Variants in ANO3 observed in about 807,000 individuals in gnomAD.
ANO3 encodes anoctamin-3.
In ANO3, 99 loss-of-function variants were observed where a neutral mutation model predicts 144.8. The ratio of observed to expected loss-of-function variants is 0.68; its 90% CI spans 0.58 to 0.81. The LOEUF (loss-of-function observed/expected upper bound fraction) is 0.81. Among genes scored for constraint, ANO3 ranks in the 30% least tolerant of loss-of-function variants. The pLI is 0.00. For missense variants in ANO3, 905 were observed against 1,202.2 expected, an observed-to-expected ratio of 0.75 and a Z score of 3.66; for synonymous variants, 414 against 392.6, an observed-to-expected ratio of 1.05 and a Z score of -0.64.
At chr11:26,236,654 T>TA (rs1344378019) in intron 1 of ANO3, among the ~76,000 whole-genome samples, 8 of 151,716 alleles carry the variant, frequency 5.3e-5, no homozygotes, top group Non-Finnish European at 1.2e-4. Context: ...CTGTCTCTAC[T>TA]AAAAATACAA....
At chr11:26,385,479 A>T (rs1856698887) in intron 1 of ANO3, among the ~76,000 whole-genome samples, 1 of 152,128 alleles carries the variant, frequency 6.6e-6, no homozygotes, top group Non-Finnish European at 1.5e-5. Flanking sequence ...GGGGAAAAAA[A>T]TCTTTTTTCT....
rs58419788 is a variant in ANO3, at chr11:26,283,321, A to AATAT, written c.155-26282_155-26279dup. ...TCTTACCAAAATAAACAAATAAATA[A>AATAT]ATATATATATATATATATATATATA... On this transcript the variant is annotated intron_variant, in intron 1 of 27. Coordinates refer to the ANO3 transcript ENST00000672621. 3.9e-3 allele frequency among the ~76,000 whole-genome samples: 190 copies of AATAT among 48,962 alleles called. 2 individuals are homozygous for AATAT. Among genetic ancestry groups the AATAT allele is most frequent in the African/African-American group, 6.0e-3 (93 of 15,432 alleles). The allele number at this position is 48,962 out of a possible 152,430, so 32.1% of individuals were successfully genotyped here.
chr11:26,477,240 A>C (rs1346613916), intron 4 of ANO3, among the ~76,000 whole-genome samples: 1 of 152,150 alleles, frequency 6.6e-6, no homozygotes. Context: ...TAGGAGCTTC[A>C]GAAGAATGGT....
intron 4 of ANO3, among the ~76,000 whole-genome samples, chr11:26,473,548 T>A (rs1369243353): frequency 6.6e-6 from 1 of 151,606 alleles, no homozygotes; most frequent in Non-Finnish European, 1.5e-5. Flanking sequence ...GAAAAAAAAA[T>A]TACAGGAATT....
At position 26,212,306 on chromosome 11, in the gene ANO3, G is replaced by A. The variant is rs184897149; in HGVS notation, c.154+22976G>A. On this transcript the variant is annotated intron_variant, in intron 1 of 27. Transcript: ENST00000672621. ...TAAGATCAGAGTAGAACTGAAGGAG[G>A]TGGAGACATGAAAAACCCTTCAAAA... 3.6e-3 allele frequency among the ~76,000 whole-genome samples: 552 copies of A among 151,508 alleles called. 2 individuals are homozygous for A. The highest frequency in any genetic ancestry group is 5.6e-3 in the Non-Finnish European group (377 of 67,808).
chr11:26,564,269 A>C (rs405550), intron 14 of ANO3, among the ~76,000 whole-genome samples: 112,463 of 151,216 alleles, frequency 0.74, 42,067 homozygotes, highest in Admixed American at 0.8. Flanking sequence ...ATATATTGAT[A>C]GTGGTATTAT....
chr11:26,560,799 C>A (rs1320679476), intron 14 of ANO3: 7 of 318,000 alleles, frequency 2.2e-5, no homozygotes, highest in South Asian at 5.3e-5. Context: ...TTATCTGATT[C>A]CACAAATATT....
chr11:26,595,463 T>TG (rs1426339703), intron 14 of ANO3, among the ~76,000 whole-genome samples: 1 of 141,034 alleles, frequency 7.1e-6, no homozygotes, highest in Non-Finnish European at 1.5e-5. Flanking sequence ...TAGAGTTGTT[T>TG]TTTTTTTTTT....
chr11:26,322,184 T>G (rs898987682), intron 1 of ANO3, among the ~76,000 whole-genome samples: 1 of 152,066 alleles, frequency 6.6e-6, no homozygotes, highest in Non-Finnish European at 1.5e-5. Context: ...TACTTGTACT[T>G]GAATATAATT....
In ANO3 at chr11:26,661,290, TTTAA is replaced by T. The variant is rs1298490458; in HGVS notation, c.*849_*852del. 1.3e-5 allele frequency: 2 copies of T among 152,578 alleles called. No individual in the cohort carries two copies. The highest frequency in any genetic ancestry group is 2.9e-5 in the Non-Finnish European group (2 of 68,022). The allele number at this position is 152,578 out of a possible 1,614,324, so 9.5% of individuals were successfully genotyped here. A position where few individuals can be genotyped will look rare whatever the true frequency, so the allele number is the denominator to read the frequency against. Reference sequence around the variant, plus strand: ...TTGTGGAAGGCTGTTTTATAGTTTATTTAATTTTTTCTCTATGATTTATTACAAC... The same window carrying T: ...TTGTGGAAGGCTGTTTTATAGTTTATTTTTTTCTCTATGATTTATTACAAC... On this transcript the variant is annotated 3_prime_UTR_variant, in exon 27 of 27. Transcript: ENST00000256737.
chr11:26,544,273 T>TATATATATATATATATAC lies in ANO3; in HGVS notation c.1154+2206_1154+2207insTATATATATATATATACA. The stretch of plus-strand genomic sequence containing the variant: ...ATACATATATATATATATATATATA[T>TATATATATATATATATAC]ACACACATACACACACACACACACA... On this transcript the variant is annotated intron_variant, in intron 11 of 26. Coordinates refer to ENST00000256737, the MANE Select transcript of ANO3 (RefSeq NM_031418.4). 6.5e-3 allele frequency among the ~76,000 whole-genome samples: 381 copies of TATATATATATATATATAC among 58,210 alleles called. 14 individuals carry two copies. Among genetic ancestry groups the TATATATATATATATATAC allele is most frequent in the Middle Eastern group, 0.011 (1 of 94 alleles). The allele number at this position is 58,210 out of a possible 152,430, so 38.2% of individuals were successfully genotyped here.
intron 7 of ANO3, among the ~76,000 whole-genome samples, chr11:26,530,478 T>TATCC: frequency 1.2e-5 from 1 of 86,286 alleles, no homozygotes; most frequent in East Asian, 5.9e-4. Flanking sequence ...TCTATCTATC[T>TATCC]ATCTATCTAT....
At chr11:26,572,296 A>T (rs1850860398) in intron 14 of ANO3, 3 of 944,878 alleles carry the variant, frequency 3.2e-6, no homozygotes, top group Non-Finnish European at 3.8e-6. Flanking sequence ...TTTAACAACA[A>T]CAACAAAAGC....
intron 1 of ANO3, among the ~76,000 whole-genome samples, chr11:26,249,572 A>T (rs539167012): frequency 1.2e-3 from 189 of 151,614 alleles, no homozygotes; most frequent in Admixed American, 3.7e-3. Context: ...GATTTTTTTT[A>T]AAAAAAAGGA....
At chr11:26,329,321 C>G (rs1564967327), upstream of ANO3, among the ~76,000 whole-genome samples, 1 of 75,334 alleles carries the variant, frequency 1.3e-5, no homozygotes, top group African/African-American at 3.6e-5. Context: ...CACACACACA[C>G]ACACACAGAG....
chr11:26,489,285 G>T (rs1860604182), intron 4 of ANO3, among the ~76,000 whole-genome samples: 1 of 152,212 alleles, frequency 6.6e-6, no homozygotes, highest in Non-Finnish European at 1.5e-5. Context: ...CTTCCACATG[G>T]TGTTGAGCCT....
intron 4 of ANO3, among the ~76,000 whole-genome samples, chr11:26,492,228 C>T (rs1304726572): frequency 1.3e-5 from 2 of 152,168 alleles, no homozygotes; most frequent in African/African-American, 4.8e-5. Context: ...GCGAGCTGAG[C>T]TCTATGTTCT....
chr11:26,344,463 T>G (rs1287496166), intron 1 of ANO3, among the ~76,000 whole-genome samples: 2 of 151,462 alleles, frequency 1.3e-5, no homozygotes, highest in Non-Finnish European at 2.9e-5. Context: ...CCTCCCGGGT[T>G]CACGTCATTC....
chr11:26,410,000 C>A (rs1335080917), intron 1 of ANO3, among the ~76,000 whole-genome samples: 1 of 151,926 alleles, frequency 6.6e-6, no homozygotes, highest in Non-Finnish European at 1.5e-5. Context: ...TTTTTCTCCA[C>A]CCTGCCACAT....
Sources: gnomAD v4.1 joint callset for allele counts (sites outside exome capture counted in the v4.1 genomes callset) on GRCh38, gnomAD v4.1.1 for gene constraint, MANE v1.5 for transcripts, NCBI Gene and HGNC (gene_info 2026-07-23, HGNC 2026-07-21) for gene names.